The following CNTNAP2 variants were observed in gnomAD, a reference collection of about 807,000 sequenced individuals.
The protein encoded by CNTNAP2 is contactin-associated protein-like 2.
A neutral mutation model predicts 155.2 loss-of-function variants in CNTNAP2; 98 were observed. That is an observed-to-expected ratio of 0.63 (90% CI 0.54 to 0.75). The LOEUF (loss-of-function observed/expected upper bound fraction) is 0.75. CNTNAP2 is among the 30% of genes least tolerant of loss of function. The probability of loss-of-function intolerance (pLI) is 0.00; values close to 1 mark genes in which losing one functional copy is unlikely to be tolerated. For missense variants in CNTNAP2, 1,727 were observed against 1,688.1 expected (o/e 1.02, Z -0.40); for synonymous variants, 651 against 631.2 (o/e 1.03, Z -0.47).
At chr7:146,457,296 T>G (rs1796568218) in intron 1 of CNTNAP2, among the ~76,000 whole-genome samples, 1 of 151,700 alleles carries the variant, frequency 6.6e-6, no homozygotes, top group Admixed American at 6.6e-5. Context: ...ACATAAACTA[T>G]AGATAGTTAT....
intron 1 of CNTNAP2, among the ~76,000 whole-genome samples, chr7:146,238,512 C>T (rs1398246118): frequency 6.6e-6 from 1 of 150,954 alleles, no homozygotes; most frequent in Admixed American, 6.6e-5. Context: ...TGGTGAGGCA[C>T]AAAAAAGCTG....
chr7:148,215,623 CG>C (rs1795623282), intron 18 of CNTNAP2, among the ~76,000 whole-genome samples: 5 of 151,648 alleles, frequency 3.3e-5, no homozygotes, highest in Admixed American at 3.3e-4. Context: ...CAATATACAA[CG>C]GTAACCTGTC....
At chr7:147,069,170 C>G (rs1799843070) in intron 4 of CNTNAP2, among the ~76,000 whole-genome samples, 1 of 152,172 alleles carries the variant, frequency 6.6e-6, no homozygotes, top group South Asian at 2.1e-4. Context: ...CCCCATGACC[C>G]AAACACCTCT....
intron 1 of CNTNAP2, among the ~76,000 whole-genome samples, chr7:146,133,685 G>T (rs1330420811): frequency 1.3e-5 from 2 of 152,060 alleles, no homozygotes; most frequent in African/African-American, 4.8e-5. Context: ...TTTCCCCATT[G>T]CTTGTTTTTC....
intron 10 of CNTNAP2, among the ~76,000 whole-genome samples, chr7:147,406,186 G>C (rs1023871311): frequency 4.9e-5 from 7 of 143,024 alleles, no homozygotes; most frequent in African/African-American, 1.9e-4. Flanking sequence ...CAAATACAGA[G>C]AAAAAAGAAA....
intron 1 of CNTNAP2, among the ~76,000 whole-genome samples, chr7:146,252,322 G>A (rs928501999): frequency 6.6e-6 from 1 of 152,068 alleles, no homozygotes; most frequent in Non-Finnish European, 1.5e-5. Context: ...TGAATAGCTG[G>A]GAATAGTAAT....
chr7:146,436,320 T>TG, intron 1 of CNTNAP2, among the ~76,000 whole-genome samples: 1 of 152,334 alleles, frequency 6.6e-6, no homozygotes, highest in Non-Finnish European at 1.5e-5. Context: ...TATGCTCTTA[T>TG]GTTCTTGCTA....
At chr7:148,342,633 T>A (rs2116583334) in intron 21 of CNTNAP2, among the ~76,000 whole-genome samples, 1 of 152,338 alleles carries the variant, frequency 6.6e-6, no homozygotes, top group Admixed American at 6.5e-5. Flanking sequence ...CAATTTTTAT[T>A]TCTTATTCCT....
At chr7:146,926,424 GA>G (rs1315133038) in intron 3 of CNTNAP2, among the ~76,000 whole-genome samples, 2 of 152,060 alleles carry the variant, frequency 1.3e-5, no homozygotes, top group Admixed American at 6.6e-5. Context: ...GTTTATGTCT[GA>G]ATTTGAACTT....
intron 14 of CNTNAP2, among the ~76,000 whole-genome samples, chr7:147,941,189 A>G (rs568247567): frequency 5.3e-5 from 8 of 152,320 alleles, no homozygotes; most frequent in Admixed American, 5.2e-4. Context: ...GGAGAATTTG[A>G]GGAAGACATT....
intron 1 of CNTNAP2, among the ~76,000 whole-genome samples, chr7:146,335,724 C>CA (rs1321956670): frequency 2.0e-5 from 3 of 152,130 alleles, no homozygotes; most frequent in Non-Finnish European, 4.4e-5. Flanking sequence ...TTTGTTCCTA[C>CA]AAGTGTTCAT....
intron 1 of CNTNAP2, among the ~76,000 whole-genome samples, chr7:146,734,676 AATATT>A (rs1801581806): frequency 6.6e-6 from 1 of 152,210 alleles, no homozygotes; most frequent in African/African-American, 2.4e-5. Flanking sequence ...AAGATATACT[AATATT>A]AGATTCTAAA....
intron 21 of CNTNAP2, among the ~76,000 whole-genome samples, chr7:148,289,581 TCACACA>T (rs55906004): frequency 1.3e-5 from 2 of 151,224 alleles, no homozygotes; most frequent in Admixed American, 1.3e-4. Context: ...ACACTCACAC[TCACACA>T]CACACACACA....
At position 146,682,946 on chromosome 7, in the gene CNTNAP2, C is replaced by T. The variant is rs552520588; in HGVS notation, c.98-91325C>T. Among the ~76,000 whole-genome samples, 27 of 152,312 alleles carry T rather than the reference C, an allele frequency of 1.8e-4. 1 individual carries two copies. Among genetic ancestry groups the T allele is most frequent in the Middle Eastern group, 3.4e-3 (1 of 294 alleles). The stretch of plus-strand genomic sequence containing the variant: ...TCTCAGTTATTATGAATACATACTA[C>T]TGACATGGCAGAACTGCTATTCTGT... On this transcript the variant is annotated intron_variant, in intron 1 of 23. Transcript: ENST00000361727.
intron 17 of CNTNAP2, among the ~76,000 whole-genome samples, chr7:148,152,326 G>C (rs1041480312): frequency 1.3e-5 from 2 of 152,004 alleles, no homozygotes; most frequent in African/African-American, 4.8e-5. Flanking sequence ...ATTGGTTGGA[G>C]ATGGAATCAT....
chr7:148,144,171 C>CT (rs1259335621), intron 16 of CNTNAP2, among the ~76,000 whole-genome samples: 5 of 152,122 alleles, frequency 3.3e-5, no homozygotes. Flanking sequence ...TTGTTTATAC[C>CT]TTTTTTAAGG....
Position 148,118,130 on chromosome 7 carries a change from A to G in CNTNAP2, c.2396A>G (p.Asn799Ser). Reference sequence around the variant, plus strand: ...TTTCTTCCCACAGGGAATTATTGGAATGCCGCCTCTTTCCCAAACCCATCC... The same window carrying G: ...TTTCTTCCCACAGGGAATTATTGGAGTGCCGCCTCTTTCCCAAACCCATCC... ...LRCQGDRNYW[N>S]AASFPNPSSY... Residue 799 changes from asparagine (N) to serine (S), a missense_variant, in exon 16 of 24, where the codon AAT (asparagine) becomes AGT (serine). Coordinates refer to ENST00000361727, the MANE Select transcript of CNTNAP2 (RefSeq NM_014141.6). 1.2e-6 allele frequency: 2 copies of G among 1,614,086 alleles called. No homozygotes were observed. Among genetic ancestry groups the G allele is most frequent in the South Asian group, 1.1e-5 (1 of 91,080 alleles).
chr7:148,066,404 C>G (rs966670356), intron 15 of CNTNAP2, among the ~76,000 whole-genome samples: 3 of 152,198 alleles, frequency 2.0e-5, no homozygotes, highest in Non-Finnish European at 4.4e-5. Context: ...TTCTCTTCTT[C>G]CTTGGGAACA....
chr7:147,467,930 C>G (rs1385678937), intron 10 of CNTNAP2, among the ~76,000 whole-genome samples: 1 of 152,024 alleles, frequency 6.6e-6, no homozygotes, highest in Admixed American at 6.5e-5. Flanking sequence ...TCTCAGGAGG[C>G]TGAAGAGGGA....
Sources: allele counts gnomAD v4.1 joint callset (sites outside exome capture counted in the v4.1 genomes callset), GRCh38; gene constraint gnomAD v4.1.1; transcripts MANE v1.5; gene names NCBI Gene and HGNC (gene_info 2026-07-23, HGNC 2026-07-21).